CNTN5: variants seen among roughly 807,000 people sequenced by gnomAD.
CNTN5 encodes the protein contactin-5.
CNTN5 carries 77 observed loss-of-function variants against 129.1 expected under a neutral mutation model. The observed-to-expected ratio is 0.60, with a 90% confidence interval of 0.50 to 0.72. The LOEUF (loss-of-function observed/expected upper bound fraction) is 0.72. Ranked by LOEUF, CNTN5 falls within the 30% of genes least tolerant of loss-of-function variation. The pLI is 0.00. For missense variants in CNTN5, 1,478 were observed against 1,328.8 expected, an observed-to-expected ratio of 1.11 and a Z score of -1.75; for synonymous variants, 509 against 465.6, an observed-to-expected ratio of 1.09 and a Z score of -1.20.
At chr11:99,617,996 C>T (rs1950813595) in intron 3 of CNTN5, among the ~76,000 whole-genome samples, 1 of 152,116 alleles carries the variant, frequency 6.6e-6, no homozygotes. Context: ...CAATAAAGTA[C>T]TCATAGAACT....
intron 3 of CNTN5, among the ~76,000 whole-genome samples, chr11:99,773,935 T>G (rs1945031988): frequency 6.6e-6 from 1 of 152,118 alleles, no homozygotes; most frequent in Non-Finnish European, 1.5e-5. Flanking sequence ...TTGCAGCTTT[T>G]CATGCCTATG....
chr11:99,926,927 G>A (rs576818473), intron 7 of CNTN5, among the ~76,000 whole-genome samples: 39 of 152,164 alleles, frequency 2.6e-4, no homozygotes, highest in Admixed American at 2.2e-3. Context: ...CGTTAATGTT[G>A]TATTCTTACA....
At chr11:99,545,625 C>CA (rs1948265246) in intron 2 of CNTN5, among the ~76,000 whole-genome samples, 1 of 152,184 alleles carries the variant, frequency 6.6e-6, no homozygotes, top group South Asian at 2.1e-4. Flanking sequence ...CTCATTGCTC[C>CA]ACTAACTTTT....
chr11:100,334,356 A>T (rs903056331), intron 21 of CNTN5, among the ~76,000 whole-genome samples: 1 of 152,190 alleles, frequency 6.6e-6, no homozygotes, highest in Admixed American at 6.5e-5. Flanking sequence ...TACAACCACT[A>T]TGGAAAACAG....
chr11:99,338,919 G>GATATATATATATATATATATATATAT (rs10534485), intron 2 of CNTN5, among the ~76,000 whole-genome samples: 3 of 126,962 alleles, frequency 2.4e-5, no homozygotes, highest in Admixed American at 7.9e-5. Flanking sequence ...TTCATTCACA[G>GATATATATATATATATATATATATAT]ATATATATAT....
intron 17 of CNTN5, among the ~76,000 whole-genome samples, chr11:100,256,436 G>T (rs929935906): frequency 2.0e-5 from 3 of 152,084 alleles, no homozygotes; most frequent in Non-Finnish European, 2.9e-5. Context: ...AGTTTCATTA[G>T]CTCAGTTCCT....
intron 3 of CNTN5, among the ~76,000 whole-genome samples, chr11:99,743,655 C>A (rs1943954306): frequency 6.6e-6 from 1 of 152,106 alleles, no homozygotes; most frequent in South Asian, 2.1e-4. Flanking sequence ...GGGATGTCAT[C>A]CAGTCATACT....
At chr11:100,343,485 G>T (rs938646942) in intron 23 of CNTN5, among the ~76,000 whole-genome samples, 2 of 152,142 alleles carry the variant, frequency 1.3e-5, no homozygotes, top group African/African-American at 4.8e-5. Context: ...GGGGACTTCA[G>T]ACTGGACTGG....
intron 18 of CNTN5, among the ~76,000 whole-genome samples, chr11:100,287,345 G>A (rs1352643237): frequency 6.6e-6 from 1 of 150,468 alleles, no homozygotes; most frequent in Non-Finnish European, 1.5e-5. Context: ...AAATGTTAAG[G>A]GCAGCCAGAG....
In CNTN5 at chr11:99,296,173, G is replaced by A. The variant is rs181360406; in HGVS notation, c.-209-29173G>A. Among the ~76,000 whole-genome samples, 144 of 152,238 alleles carry A rather than the reference G, an allele frequency of 9.5e-4. 1 individual carries two copies. The East Asian group carries it at 0.021, about 22-fold the overall frequency. ...TTGATCTGTGATCTTGGGAAAAGTT[G>A]TTCACATCAAGGATGTCATCTTTTT... On this transcript the variant is annotated intron_variant, in intron 1 of 24. Transcript: ENST00000524871.
chr11:99,280,970 A>G (rs1346193930), intron 1 of CNTN5, among the ~76,000 whole-genome samples: 1 of 151,886 alleles, frequency 6.6e-6, no homozygotes, highest in Non-Finnish European at 1.5e-5. Context: ...CAGATTAAAA[A>G]AAATCACATA....
intron 1 of CNTN5, among the ~76,000 whole-genome samples, chr11:99,285,593 G>GA (rs55945633): frequency 0.31 from 41,726 of 134,180 alleles, 6,010 homozygotes; most frequent in Middle Eastern, 0.4. Context: ...TCAAGTTAAA[G>GA]AAAAAAAAAA....
chr11:99,847,331 C>T (rs931074921), intron 6 of CNTN5, among the ~76,000 whole-genome samples: 1 of 152,278 alleles, frequency 6.6e-6, no homozygotes, highest in Non-Finnish European at 1.5e-5. Context: ...TTGGCAGCAG[C>T]GTTTACAATT....
Position 100,303,285 on chromosome 11 carries a change from A to AT in CNTN5, c.2620+3894dup, listed in dbSNP as rs565202719. Among the ~76,000 whole-genome samples the AT allele has an allele frequency of 4.6e-4, 70 of 151,728 alleles. 1 individual carries two copies. In the South Asian group the frequency reaches 7.3e-3, roughly 16 times the overall value. ...ACACGCTAATTTTGGAAACAATTCC[A>AT]TTTTTAAAAAAAAAGAATAGTGAAG... On this transcript the variant is annotated intron_variant, in intron 20 of 24. Transcript: ENST00000524871.
intron 4 of CNTN5, among the ~76,000 whole-genome samples, chr11:99,842,678 G>A (rs1947549783): frequency 6.6e-6 from 1 of 151,950 alleles, no homozygotes; most frequent in African/African-American, 2.4e-5. Flanking sequence ...TTTTCCCACA[G>A]CGTAATTCTG....
At chr11:99,108,442 A>C (rs959264812) in intron 1 of CNTN5, among the ~76,000 whole-genome samples, 3 of 152,138 alleles carry the variant, frequency 2.0e-5, no homozygotes, top group African/African-American at 7.2e-5. Flanking sequence ...AAGTCTTCTT[A>C]AGGTTAGGTC....
intron 13 of CNTN5, among the ~76,000 whole-genome samples, chr11:100,140,729 G>A (rs1174446123): frequency 6.6e-6 from 1 of 152,138 alleles, no homozygotes; most frequent in Non-Finnish European, 1.5e-5. Flanking sequence ...CAAGAATTAA[G>A]ACAGATAGAG....
chr11:99,856,534 A>G (rs1948040016), intron 6 of CNTN5, among the ~76,000 whole-genome samples: 1 of 152,184 alleles, frequency 6.6e-6, no homozygotes. Flanking sequence ...TCTGTATGCC[A>G]GAGAGATGTT....
chr11:99,833,014 G>A (rs1352966109), intron 4 of CNTN5, among the ~76,000 whole-genome samples: 3 of 152,166 alleles, frequency 2.0e-5, no homozygotes, highest in Non-Finnish European at 4.4e-5. Flanking sequence ...GAGGATTTAA[G>A]CCTGAAAGGC....
Sources: allele counts gnomAD v4.1 joint callset (sites outside exome capture counted in the v4.1 genomes callset), GRCh38; gene constraint gnomAD v4.1.1; transcripts MANE v1.5; gene names NCBI Gene and HGNC (gene_info 2026-07-23, HGNC 2026-07-21).